The following DTD1 variants were observed in gnomAD, a reference collection of about 807,000 sequenced individuals.
DTD1 encodes D-aminoacyl-tRNA deacylase 1.
DTD1 carries 13 observed loss-of-function variants against 25.6 expected under a neutral mutation model. That is an observed-to-expected ratio of 0.51 (90% confidence interval 0.33 to 0.81). The LOEUF (loss-of-function observed/expected upper bound fraction) is 0.81. DTD1 is among the 30% of genes least tolerant of loss of function. The pLI, the probability that DTD1 is intolerant of heterozygous loss-of-function variation, is 0.02. For missense variants in DTD1, 193 were observed against 266.4 expected (o/e 0.72, Z 1.92); for synonymous variants, 110 against 103.6 (o/e 1.06, Z -0.37).
At chr20:18,706,907 C>T (rs977734007) in intron 4 of DTD1, among the ~76,000 whole-genome samples, 3 of 152,172 alleles carry the variant, frequency 2.0e-5, no homozygotes, top group Non-Finnish European at 2.9e-5. Context: ...TTGAATGTTT[C>T]GGAATTTAGC....
rs142308098 is a variant in DTD1, at chr20:18,610,515, G to A, written c.370+14274G>A. Among the ~76,000 whole-genome samples, 8 of 152,272 alleles carry A rather than the reference G, an allele frequency of 5.3e-5. No homozygotes were observed. In the East Asian group the frequency reaches 1.5e-3, roughly 29 times the overall value. On this transcript the variant is annotated intron_variant, in intron 3 of 5. Coordinates refer to ENST00000377452, the MANE Select transcript of DTD1 (RefSeq NM_080820.6). ...GTATAATACATCTGATCATTTTGAT[G>A]AAAAATTGACATAAATTATACACAG...
chr20:18,606,708 C>A (rs2060659989), intron 3 of DTD1, among the ~76,000 whole-genome samples: 1 of 131,252 alleles, frequency 7.6e-6, no homozygotes, highest in Non-Finnish European at 1.6e-5. Context: ...TGTTCTCACT[C>A]ATAGGTGGGA....
At chr20:18,668,303 A>T (rs1439166479) in intron 4 of DTD1, among the ~76,000 whole-genome samples, 1 of 152,164 alleles carries the variant, frequency 6.6e-6, no homozygotes, top group African/African-American at 2.4e-5. Context: ...TGGACAAGCT[A>T]TTTTGAATTT....
rs571158183 is a variant in DTD1, at chr20:18,749,633, G to A, written c.*19+5362G>A. On this transcript the variant is annotated intron_variant, in intron 5 of 5. Transcript: ENST00000377452. The surrounding 1 kb of genome is among the most constrained non-coding windows in gnomAD (Gnocchi z 4.2). ...GAGATATGCTGGTGAGAACTGAGAC[G>A]AGGCCAGGTCAGCCAGAGAGGGCCT... Among the ~76,000 whole-genome samples, 23 of 152,250 alleles carry A rather than the reference G, an allele frequency of 1.5e-4. No homozygotes were observed. In the South Asian group the frequency reaches 4.6e-3, roughly 30 times the overall value.
chr20:18,757,690 T>C (rs1396449898), intron 5 of DTD1, among the ~76,000 whole-genome samples: 1 of 152,222 alleles, frequency 6.6e-6, no homozygotes, highest in Non-Finnish European at 1.5e-5. Flanking sequence ...TTATTGAGGA[T>C]TTTTGCATCG....
intron 4 of DTD1, among the ~76,000 whole-genome samples, chr20:18,647,496 C>T (rs1371553578): frequency 6.6e-6 from 1 of 152,090 alleles, no homozygotes; most frequent in East Asian, 1.9e-4. Context: ...GTCTTAGTTG[C>T]ATCTCGAAGG....
intron 4 of DTD1, among the ~76,000 whole-genome samples, chr20:18,683,729 G>T (rs2061005966): frequency 6.6e-6 from 1 of 152,174 alleles, no homozygotes; most frequent in Admixed American, 6.5e-5. Context: ...CCTTCTTTGG[G>T]GGTAGTTTTA....
Position 18,628,931 on chromosome 20 carries a change from G to A in DTD1, c.477+698G>A, listed in dbSNP as rs560502035. ...AGCATGCTGTGATGGCCAGTGATGCGGCAGTAAGGGGACAGCGTGATAGAA... is the reference window on the plus strand; with the variant it reads ...AGCATGCTGTGATGGCCAGTGATGCAGCAGTAAGGGGACAGCGTGATAGAA... On this transcript the variant is annotated intron_variant, in intron 4 of 5. Coordinates refer to ENST00000377452, the MANE Select transcript of DTD1 (RefSeq NM_080820.6). Among the ~76,000 whole-genome samples, 7 of 151,842 alleles carry A rather than the reference G, an allele frequency of 4.6e-5. No individual in the cohort carries two copies. In the South Asian group the frequency reaches 1.0e-3, roughly 23 times the overall value.
chr20:18,649,326 C>CTTTTTTTTTTTTTTTTTTTTTTTT lies in DTD1; in HGVS notation c.477+21100_477+21123dup, dbSNP rs55766733. ...TGGGCTTTCTCAGCCATTCATCTTT[C>CTTTTTTTTTTTTTTTTTTTTTTTT]TTTTTTTTTTTTTTTTTTTTTTTTT... On this transcript the variant is annotated intron_variant, in intron 4 of 5. Transcript: ENST00000377452. 1.9e-4 allele frequency among the ~76,000 whole-genome samples: 11 copies of CTTTTTTTTTTTTTTTTTTTTTTTT among 57,650 alleles called. 3 individuals are homozygous for CTTTTTTTTTTTTTTTTTTTTTTTT. The highest frequency in any genetic ancestry group is 6.6e-4 in the East Asian group (1 of 1,504). 37.8% of individuals were successfully genotyped at this position (57,650 alleles called of 152,430 possible).
rs558613761 is a variant in DTD1 at position 18,632,930 on chromosome 20, T to C, written c.477+4697T>C. Among the ~76,000 whole-genome samples the C allele has an allele frequency of 4.6e-5, 7 of 152,264 alleles. No homozygotes were observed. In the East Asian group the frequency reaches 1.4e-3, roughly 29 times the overall value. Reference sequence around the variant, plus strand: ...TGTATGTAAGCACCAAGTGTCGTTTTGGTATTTGATGGTGTGCTAGGCACT... The same window carrying C: ...TGTATGTAAGCACCAAGTGTCGTTTCGGTATTTGATGGTGTGCTAGGCACT... On this transcript the variant is annotated intron_variant, in intron 4 of 5. Coordinates refer to ENST00000377452, the MANE Select transcript of DTD1 (RefSeq NM_080820.6).
intron 3 of DTD1, among the ~76,000 whole-genome samples, chr20:18,615,483 G>A (rs1238611899): frequency 6.6e-6 from 1 of 152,176 alleles, no homozygotes; most frequent in African/African-American, 2.4e-5. Flanking sequence ...GCCTTCACAT[G>A]AATGCTGAAG....
At chr20:18,745,090 G>C (rs1361954633) in intron 5 of DTD1, among the ~76,000 whole-genome samples, 1 of 152,136 alleles carries the variant, frequency 6.6e-6, no homozygotes, top group East Asian at 1.9e-4. Context: ...TTGCGCTCCT[G>C]CATCTCCCTT....
intron 4 of DTD1, chr20:18,632,801 A>T: frequency 2.5e-6 from 1 of 405,000 alleles, no homozygotes; most frequent in Non-Finnish European, 3.3e-6. Flanking sequence ...ATATGTGTGC[A>T]TGGGTATGTG....
intron 5 of DTD1, among the ~76,000 whole-genome samples, chr20:18,746,034 G>T (rs944800958): frequency 6.6e-6 from 1 of 151,960 alleles, no homozygotes; most frequent in African/African-American, 2.4e-5. Flanking sequence ...TCATTTCAAC[G>T]TGGTGACTGA....
chr20:18,740,759 A>G (rs1411179039), intron 4 of DTD1, among the ~76,000 whole-genome samples: 1 of 152,240 alleles, frequency 6.6e-6, no homozygotes. Context: ...CCACATTGCA[A>G]AAATCCAAAA....
chr20:18,697,063 C>T (rs2061080500), intron 4 of DTD1, among the ~76,000 whole-genome samples: 1 of 151,756 alleles, frequency 6.6e-6, no homozygotes. Flanking sequence ...AACCCCGCCT[C>T]TACTAAAAAT....
chr20:18,748,209 T>C (rs2061308345), intron 5 of DTD1, among the ~76,000 whole-genome samples: 1 of 151,116 alleles, frequency 6.6e-6, no homozygotes, highest in Admixed American at 6.6e-5. Context: ...AAATACAAAT[T>C]CACATGTGCC....
chr20:18,692,528 T>C (rs1178516093), intron 4 of DTD1, among the ~76,000 whole-genome samples: 1 of 152,172 alleles, frequency 6.6e-6, no homozygotes, highest in Non-Finnish European at 1.5e-5. Context: ...CATGAATGGA[T>C]CCACTCACTG....
intron 4 of DTD1, among the ~76,000 whole-genome samples, chr20:18,658,562 A>C (rs1338194929): frequency 6.6e-6 from 1 of 152,210 alleles, no homozygotes; most frequent in Non-Finnish European, 1.5e-5. Context: ...TCTGAGATGA[A>C]GTCATTGTGC....
Sources: gnomAD v4.1 joint callset for allele counts (sites outside exome capture counted in the v4.1 genomes callset) on GRCh38, gnomAD v4.1.1 for gene constraint, Gnocchi (gnomAD v3.1) non-coding constraint, MANE v1.5 for transcripts, NCBI Gene and HGNC (gene_info 2026-07-23, HGNC 2026-07-21) for gene names.